The following ARID5B variants were observed in gnomAD, a reference collection of about 807,000 sequenced individuals.
The protein encoded by ARID5B is AT-rich interaction domain 5B.
In ARID5B, 13 loss-of-function variants were observed where a neutral mutation model predicts 97.2. That is an observed-to-expected ratio of 0.13 (90% CI 0.09 to 0.21). The LOEUF (loss-of-function observed/expected upper bound fraction) is 0.21, where lower values mean the gene tolerates loss of function less well. Among genes scored for constraint, ARID5B ranks in the 10% least tolerant of loss-of-function variants. ARID5B has a pLI of 1.00. For missense variants in ARID5B, 1,210 were observed against 1,465.3 expected (o/e 0.83, Z 2.84); for synonymous variants, 556 against 570.3 (o/e 0.97, Z 0.36).
Position 62,000,271 on chromosome 10 carries a change from C to T in ARID5B, c.683C>T (p.Thr228Ile), listed in dbSNP as rs1410727401. The T allele has an allele frequency of 1.2e-6, 2 of 1,613,444 alleles. No individual in the cohort carries two copies. Among genetic ancestry groups the T allele is most frequent in the East Asian group, 2.2e-5 (1 of 44,784 alleles). ...CCTCAGATCCTGTACTGTCGGGACA[C>T]CTTTGACCACCCGACTCTCATAGAA... ...RNPQILYCRD[T>I]FDHPTLIENE... The change falls in exon 4 of 10, where the codon ACC becomes ATC. Residue 228 changes from threonine (T) to isoleucine (I), a missense_variant. Physicochemically the swap from Thr to Ile is moderately conservative, Grantham distance 89. Transcript: ENST00000279873. This position sits in a 1 kb window ranked among gnomAD's most constrained non-coding sequence, Gnocchi z 4.4.
chr10:62,035,794 G>C (rs1839555820), intron 4 of ARID5B, among the ~76,000 whole-genome samples: 1 of 151,914 alleles, frequency 6.6e-6, no homozygotes, highest in South Asian at 2.1e-4. Context: ...AGATGAGGGA[G>C]AGTAAGGAAG....
chr10:61,939,363 C>A (rs1172804689), intron 2 of ARID5B, among the ~76,000 whole-genome samples: 1 of 152,136 alleles, frequency 6.6e-6, no homozygotes, highest in Non-Finnish European at 1.5e-5. Context: ...TATTAAAGAT[C>A]TTGCTGAATT....
intron 8 of ARID5B, among the ~76,000 whole-genome samples, chr10:62,071,911 T>C (rs551559561): frequency 3.9e-5 from 6 of 152,280 alleles, no homozygotes; most frequent in African/African-American, 1.4e-4. Flanking sequence ...ATTTGGTCAG[T>C]GTATGAGTCA....
At chr10:61,944,023 T>C (rs1267776722) in intron 3 of ARID5B, among the ~76,000 whole-genome samples, 1 of 152,144 alleles carries the variant, frequency 6.6e-6, no homozygotes, top group Non-Finnish European at 1.5e-5. Flanking sequence ...AAACTAATAA[T>C]CTTAAAAAAC....
At chr10:62,089,473 G>GCCTT (rs1260737415) in intron 9 of ARID5B, among the ~76,000 whole-genome samples, 1 of 144,900 alleles carries the variant, frequency 6.9e-6, no homozygotes, top group Non-Finnish European at 1.5e-5. Context: ...CTGCCTGCCT[G>GCCTT]CCTTCCTTCC....
intron 2 of ARID5B, among the ~76,000 whole-genome samples, chr10:61,904,874 C>T (rs1259788479): frequency 1.3e-5 from 2 of 152,184 alleles, no homozygotes; most frequent in Non-Finnish European, 2.9e-5. Context: ...CAATGCAGAT[C>T]GGTTTTCCAC....
chr10:61,920,416 G>A (rs867110414), intron 2 of ARID5B, among the ~76,000 whole-genome samples: 5 of 148,830 alleles, frequency 3.4e-5, no homozygotes, highest in South Asian at 2.2e-4. Context: ...TACAACCTCC[G>A]CCTCCTGGGT....
intron 8 of ARID5B, among the ~76,000 whole-genome samples, chr10:62,076,561 C>CAAAAAAAAAAAAAAAAAAAAAAAAA: frequency 1.1e-5 from 1 of 92,684 alleles, no homozygotes; most frequent in African/African-American, 3.8e-5. Context: ...GACTCTGTCT[C>CAAAAAAAAAAAAAAAAAAAAAAAAA]AAAAAAAAAA....
intron 4 of ARID5B, among the ~76,000 whole-genome samples, chr10:62,040,298 A>G (rs1009653748): frequency 1.3e-5 from 2 of 152,022 alleles, no homozygotes; most frequent in African/African-American, 4.8e-5. Flanking sequence ...TACAGAAGGG[A>G]GACCTCAGCT....
chr10:61,902,705 G>GTGTGTGTGTGTGTGTGTGTA (rs1843638815), intron 2 of ARID5B, among the ~76,000 whole-genome samples: 2 of 146,002 alleles, frequency 1.4e-5, no homozygotes, highest in African/African-American at 5.0e-5. Flanking sequence ...GTGTGTGTAT[G>GTGTGTGTGTGTGTGTGTGTA]TGTGTGTGTG....
At chr10:62,074,014 A>G (rs1840097219) in intron 8 of ARID5B, among the ~76,000 whole-genome samples, 1 of 152,246 alleles carries the variant, frequency 6.6e-6, no homozygotes, top group South Asian at 2.1e-4. Context: ...ATAGTAAATC[A>G]CTTTAAAGGC....
intron 4 of ARID5B, among the ~76,000 whole-genome samples, chr10:62,034,863 G>A (rs373167528): frequency 1.1e-4 from 17 of 152,244 alleles, no homozygotes; most frequent in East Asian, 5.8e-4. Context: ...TGCAGAGATG[G>A]GGTTCCTTAA....
intron 4 of ARID5B, among the ~76,000 whole-genome samples, chr10:62,046,406 T>C (rs139541354): frequency 6.6e-6 from 1 of 152,192 alleles, no homozygotes; most frequent in South Asian, 2.1e-4. Context: ...AATAAATATA[T>C]AAACAAATTG....
chr10:62,039,716 C>A (rs138356728), intron 4 of ARID5B, among the ~76,000 whole-genome samples: 105 of 152,338 alleles, frequency 6.9e-4, no homozygotes, highest in Middle Eastern at 3.4e-3. Context: ...AGAATGATTG[C>A]GGAAAGAATG....
At chr10:62,022,186 T>C (rs932057754) in intron 4 of ARID5B, among the ~76,000 whole-genome samples, 6 of 152,204 alleles carry the variant, frequency 3.9e-5, no homozygotes, top group African/African-American at 1.2e-4. Context: ...AAACACCACT[T>C]TCTGGAGATT....
At chr10:62,085,580 T>G (rs1840269266) in intron 8 of ARID5B, 122 bp from the exon 9 acceptor site, 1 of 816,470 alleles carries the variant, frequency 1.2e-6, no homozygotes, top group Non-Finnish European at 2.0e-6. Flanking sequence ...AGTATAGCAC[T>G]GTCACTGGAG....
At chr10:62,050,575 G>A (rs1258790221) in intron 4 of ARID5B, among the ~76,000 whole-genome samples, 4 of 152,200 alleles carry the variant, frequency 2.6e-5, no homozygotes, top group African/African-American at 7.2e-5. Flanking sequence ...AGCACCAAAT[G>A]CTTCTTGTCT....
intron 3 of ARID5B, among the ~76,000 whole-genome samples, chr10:61,992,452 T>G (rs1429954276): frequency 6.6e-6 from 1 of 152,212 alleles, no homozygotes; most frequent in African/African-American, 2.4e-5. Context: ...CAAAAGCTGA[T>G]AGTAACATTT....
chr10:61,967,477 A>T (rs1838562044), intron 3 of ARID5B, among the ~76,000 whole-genome samples: 1 of 152,228 alleles, frequency 6.6e-6, no homozygotes, highest in African/African-American at 2.4e-5. Context: ...CACAGGGGAA[A>T]TATGTGGTAT....
Sources: gnomAD v4.1 joint callset for allele counts (sites outside exome capture counted in the v4.1 genomes callset) on GRCh38, gnomAD v4.1.1 for gene constraint, Gnocchi (gnomAD v3.1) non-coding constraint, MANE v1.5 for transcripts, NCBI Gene and HGNC (gene_info 2026-07-23, HGNC 2026-07-21) for gene names.